Variants in LHFPL2 observed in about 807,000 individuals in gnomAD.
LHFPL2 encodes LHFPL tetraspan subfamily member 2.
LHFPL2 carries 7 observed loss-of-function variants against 17.5 expected under a neutral mutation model. The ratio of observed to expected loss-of-function variants is 0.40; its 90% CI spans 0.23 to 0.75. LHFPL2 has a LOEUF of 0.75. Among genes scored for constraint, LHFPL2 ranks in the 30% least tolerant of loss-of-function variants. LHFPL2 has a pLI of 0.37. For synonymous variants in LHFPL2, 134 were observed against 116.2 expected (o/e 1.15, Z -0.99); for missense variants, 241 against 294.8 (o/e 0.82, Z 1.34).
chr5:78,533,070 T>C (rs917953397), intron 3 of LHFPL2, among the ~76,000 whole-genome samples: 1 of 152,202 alleles, frequency 6.6e-6, no homozygotes, highest in Non-Finnish European at 1.5e-5. Context: ...CTTACCGATG[T>C]GGCCGAGTAG....
chr5:78,647,540 T>C (rs377143514), intron 1 of LHFPL2, among the ~76,000 whole-genome samples: 130 of 152,088 alleles, frequency 8.5e-4, no homozygotes, highest in African/African-American at 3.0e-3. Context: ...TTCAAAGAGT[T>C]CTCCTTTCCA....
intron 3 of LHFPL2, among the ~76,000 whole-genome samples, chr5:78,555,963 A>G (rs552339252): frequency 1.3e-5 from 2 of 152,224 alleles, no homozygotes; most frequent in East Asian, 1.9e-4. Context: ...CTGACAATAG[A>G]AGTTATACCC....
At chr5:78,574,029 T>C (rs914006396) in intron 2 of LHFPL2, among the ~76,000 whole-genome samples, 3 of 152,116 alleles carry the variant, frequency 2.0e-5, no homozygotes, top group African/African-American at 4.8e-5. Flanking sequence ...TAGAAGCAAA[T>C]ACCCAAAACA....
intron 2 of LHFPL2, among the ~76,000 whole-genome samples, chr5:78,578,906 G>A (rs1561348102): frequency 2.0e-5 from 3 of 152,226 alleles, no homozygotes; most frequent in Non-Finnish European, 2.9e-5. Context: ...GGTGAGCAAT[G>A]TGGGGGCTCA....
Position 78,489,117 on chromosome 5 carries a change from G to A in LHFPL2, c.467C>T (p.Ala156Val). 1 of 1,614,160 alleles carries A rather than the reference G, an allele frequency of 6.2e-7. No homozygotes were observed. The highest frequency in any genetic ancestry group is 8.5e-7 in the Non-Finnish European group (1 of 1,180,002). ...TATGGCCTTCTGGCAACCCCAGCCA[G>A]CAGGGTAGAGTATCAAACCGAGGAT... ...FLILGLILYP[A>V]GWGCQKAIDY... The change falls in exon 5 of 5, where the codon GCT becomes GTT. Residue 156 changes from alanine (A) to valine (V), a missense_variant. Transcript: ENST00000380345.
At chr5:78,525,481 T>C (rs1580775005) in intron 3 of LHFPL2, among the ~76,000 whole-genome samples, 1 of 152,308 alleles carries the variant, frequency 6.6e-6, no homozygotes, top group African/African-American at 2.4e-5. Context: ...AGGTCATTCA[T>C]GGGGTCATTA....
At chr5:78,565,270 A>G (rs1756830273) in intron 2 of LHFPL2, among the ~76,000 whole-genome samples, 1 of 152,250 alleles carries the variant, frequency 6.6e-6, no homozygotes, top group African/African-American at 2.4e-5. Context: ...TGTGACTGAA[A>G]AAACTATCCT....
chr5:78,565,175 C>T (rs1756827265), intron 2 of LHFPL2, among the ~76,000 whole-genome samples: 1 of 152,186 alleles, frequency 6.6e-6, no homozygotes, highest in Admixed American at 6.5e-5. Flanking sequence ...CTTAAAAATA[C>T]AACTTGTGTC....
rs779530862 is a variant in LHFPL2 at position 78,638,631 on chromosome 5, C to T, written c.-349-6263G>A. ...GCACAGACTCCAACCCTCTGCCCTC[C>T]GGCCGCCTGCAAAGGCTGACGCACC... On this transcript the variant is annotated intron_variant, in intron 1 of 4. Transcript: ENST00000380345. Among the ~76,000 whole-genome samples the T allele has an allele frequency of 4.6e-5, 7 of 152,284 alleles. No homozygotes were observed. The East Asian group carries it at 7.7e-4, about 17-fold the overall frequency.
At chr5:78,585,660 A>G (rs1743360262) in intron 2 of LHFPL2, among the ~76,000 whole-genome samples, 2 of 152,216 alleles carry the variant, frequency 1.3e-5, no homozygotes, top group Admixed American at 6.5e-5. Context: ...AGTTGAGAGC[A>G]CTAAAACAAC....
intron 3 of LHFPL2, among the ~76,000 whole-genome samples, chr5:78,532,340 A>C (rs57763749): frequency 3.3e-5 from 5 of 152,192 alleles, no homozygotes; most frequent in Non-Finnish European, 7.3e-5. Flanking sequence ...GACTACAGAC[A>C]TGAGCCATTG....
intron 2 of LHFPL2, among the ~76,000 whole-genome samples, chr5:78,581,341 G>A (rs1561349786): frequency 6.6e-6 from 1 of 152,158 alleles, no homozygotes; most frequent in Non-Finnish European, 1.5e-5. Flanking sequence ...GAATAGGAGT[G>A]GTGAGAGAGG....
chr5:78,596,025 CTATGAAA>C lies in LHFPL2; in HGVS notation c.-244-31161_-244-31155del, dbSNP rs1259153680. On this transcript the variant is annotated intron_variant, in intron 2 of 4. Coordinates refer to ENST00000380345, the MANE Select transcript of LHFPL2 (RefSeq NM_005779.3). ...ATTTAAGTTAAATTTGTTCTTGATT[CTATGAAA>C]TATGAAAGTCAAAACATTCTTTCAT... Among the ~76,000 whole-genome samples the C allele has an allele frequency of 2.6e-5, 4 of 152,092 alleles. No individual in the cohort carries two copies. The East Asian group carries it at 7.7e-4, about 29-fold the overall frequency.
chr5:78,582,710 G>T (rs1188988775), intron 2 of LHFPL2, among the ~76,000 whole-genome samples: 1 of 152,202 alleles, frequency 6.6e-6, no homozygotes, highest in African/African-American at 2.4e-5. Context: ...TTCCAAGTAT[G>T]TGGTCAATTT....
chr5:78,519,687 C>T (rs575094428), intron 3 of LHFPL2, among the ~76,000 whole-genome samples: 2 of 152,238 alleles, frequency 1.3e-5, no homozygotes, highest in South Asian at 4.1e-4. Flanking sequence ...AAGTATCAAG[C>T]TTAGAACAGC....
chr5:78,637,639 A>G (rs1373893296), intron 1 of LHFPL2, among the ~76,000 whole-genome samples: 1 of 152,200 alleles, frequency 6.6e-6, no homozygotes, highest in African/African-American at 2.4e-5. Flanking sequence ...CAGCCCTGAC[A>G]TTTCTCAGCC....
chr5:78,613,546 AT>A (rs1222162587), intron 2 of LHFPL2, among the ~76,000 whole-genome samples: 1 of 150,148 alleles, frequency 6.7e-6, no homozygotes, highest in Non-Finnish European at 1.5e-5. Flanking sequence ...TGAAGATTAA[AT>A]GTATTAATGA....
chr5:78,510,326 T>C lies in LHFPL2; in HGVS notation c.-113A>G. On this transcript the variant is annotated 5_prime_UTR_variant, in exon 4 of 5. An upstream start codon of the reference 5' UTR is lost. Coordinates refer to ENST00000380345, the MANE Select transcript of LHFPL2 (RefSeq NM_005779.3). Reference sequence around the variant, plus strand: ...GGGAAGGAAGTCGCAGCTGCAGTCATTCACTCCCGCCGCCGGCCGCGTTCA... The same window carrying C: ...GGGAAGGAAGTCGCAGCTGCAGTCACTCACTCCCGCCGCCGGCCGCGTTCA... 1.9e-6 allele frequency: 2 copies of C among 1,046,970 alleles called. No homozygotes were observed. The highest frequency in any genetic ancestry group is 1.4e-6 in the Non-Finnish European group (1 of 734,086). 64.9% of individuals were successfully genotyped at this position (1,046,970 alleles called of 1,614,324 possible).
At chr5:78,540,278 G>T (rs1448206324) in intron 3 of LHFPL2, among the ~76,000 whole-genome samples, 1 of 152,192 alleles carries the variant, frequency 6.6e-6, no homozygotes, top group Non-Finnish European at 1.5e-5. Context: ...ACTGAATTGG[G>T]TCACTGTCTT....
Sources: allele counts gnomAD v4.1 joint callset (sites outside exome capture counted in the v4.1 genomes callset), GRCh38; gene constraint gnomAD v4.1.1; transcripts MANE v1.5; gene names NCBI Gene and HGNC (gene_info 2026-07-23, HGNC 2026-07-21).